Variants in AGBL4 observed in about 807,000 individuals in gnomAD.
The protein encoded by AGBL4 is AGBL carboxypeptidase 4.
AGBL4 carries 58 observed loss-of-function variants against 66.4 expected under a neutral mutation model. That is an observed-to-expected ratio of 0.87 (90% CI 0.71 to 1.09). The LOEUF (loss-of-function observed/expected upper bound fraction) is 1.09. AGBL4 is among the 50% of genes least tolerant of loss of function. The pLI is 0.00. For missense variants in AGBL4, 579 were observed against 631.0 expected, an observed-to-expected ratio of 0.92 and a Z score of 0.88; for synonymous variants, 234 against 222.9, an observed-to-expected ratio of 1.05 and a Z score of -0.44.
intron 5 of AGBL4, among the ~76,000 whole-genome samples, chr1:48,950,963 AG>A (rs1656929211): frequency 6.6e-6 from 1 of 152,160 alleles, no homozygotes; most frequent in South Asian, 2.1e-4. Context: ...GCCTTTTCTC[AG>A]GAACCTCAAA....
intron 2 of AGBL4, among the ~76,000 whole-genome samples, chr1:49,781,802 A>C (rs1449342824): frequency 6.6e-6 from 1 of 152,160 alleles, no homozygotes. Context: ...CTTTCTAGAC[A>C]CAATGAAACT....
intron 2 of AGBL4, among the ~76,000 whole-genome samples, chr1:49,734,580 A>C (rs1649713392): frequency 6.6e-6 from 1 of 152,094 alleles, no homozygotes; most frequent in Non-Finnish European, 1.5e-5. Flanking sequence ...AAGTTAATTT[A>C]AAAAGTACAA....
chr1:49,969,781 C>T (rs184709025), intron 1 of AGBL4, among the ~76,000 whole-genome samples: 2 of 152,232 alleles, frequency 1.3e-5, no homozygotes, highest in African/African-American at 4.8e-5. Context: ...TTAAGCTGCT[C>T]GCCTTGACTG....
chr1:49,057,648 C>CT (rs947058667), intron 4 of AGBL4, among the ~76,000 whole-genome samples: 3 of 152,096 alleles, frequency 2.0e-5, no homozygotes, highest in Non-Finnish European at 4.4e-5. Context: ...TTCTACTCAT[C>CT]TTTTTTGTTT....
At chr1:49,433,427 C>T (rs750760220) in intron 3 of AGBL4, among the ~76,000 whole-genome samples, 5 of 152,144 alleles carry the variant, frequency 3.3e-5, no homozygotes, top group Non-Finnish European at 7.3e-5. Flanking sequence ...CACTACAGAA[C>T]TGATTGCTTG....
rs1571332114 is a variant in AGBL4, at chr1:49,688,468, C to T, written c.282+8845G>A. 2.0e-5 allele frequency among the ~76,000 whole-genome samples: 3 copies of T among 152,080 alleles called. No individual in the cohort carries two copies. The South Asian group carries it at 6.2e-4, about 32-fold the overall frequency. On this transcript the variant is annotated intron_variant, in intron 3 of 13. Transcript: ENST00000371839. ...GTGTAGGTGTACCATTTTTCTTTAT[C>T]CATTCATCTGTTGACAGACACTTGA...
intron 3 of AGBL4, among the ~76,000 whole-genome samples, chr1:49,324,929 A>C (rs1164109429): frequency 2.0e-5 from 3 of 152,226 alleles, no homozygotes; most frequent in Non-Finnish European, 2.9e-5. Context: ...AGGAACATGG[A>C]GAGAAAAAAG....
chr1:49,932,411 G>T (rs1653459712), intron 1 of AGBL4, among the ~76,000 whole-genome samples: 1 of 151,984 alleles, frequency 6.6e-6, no homozygotes, highest in African/African-American at 2.4e-5. Flanking sequence ...ATTCCTAGAA[G>T]AAAAACATAA....
At chr1:49,160,198 G>A (rs537352066) in intron 4 of AGBL4, among the ~76,000 whole-genome samples, 6 of 152,082 alleles carry the variant, frequency 3.9e-5, no homozygotes, top group Non-Finnish European at 4.4e-5. Context: ...CCTTCTTCAC[G>A]GATTTATCTA....
At chr1:48,832,853 C>T (rs1366984801) in intron 6 of AGBL4, among the ~76,000 whole-genome samples, 2 of 152,172 alleles carry the variant, frequency 1.3e-5, no homozygotes, top group African/African-American at 2.4e-5. Flanking sequence ...TTCTCCTGTC[C>T]TCAGACTCTG....
At chr1:49,111,035 T>C (rs1645396227) in intron 4 of AGBL4, among the ~76,000 whole-genome samples, 1 of 152,140 alleles carries the variant, frequency 6.6e-6, no homozygotes, top group South Asian at 2.1e-4. Flanking sequence ...TAATGTAGAT[T>C]TCAAGACCTA....
chr1:49,282,787 C>A (rs1161748687), intron 3 of AGBL4, among the ~76,000 whole-genome samples: 3 of 152,142 alleles, frequency 2.0e-5, no homozygotes, highest in Non-Finnish European at 4.4e-5. Context: ...CGGGTCACTC[C>A]CACCCGAATA....
At chr1:48,659,700 G>T (rs572884071) in intron 7 of AGBL4, among the ~76,000 whole-genome samples, 1 of 152,178 alleles carries the variant, frequency 6.6e-6, no homozygotes, top group Non-Finnish European at 1.5e-5. Flanking sequence ...AAGAGCTGGG[G>T]CCCACAGTCT....
At chr1:48,522,847 A>G in the AGBL4 span, among the ~76,000 whole-genome samples, 1 of 151,134 alleles carries the variant, frequency 6.6e-6, no homozygotes, top group East Asian at 2.0e-4. Flanking sequence ...AATCGCTTGA[A>G]CCTGGGAGAC....
At chr1:48,580,955 T>C (rs1644730480) in intron 11 of AGBL4, among the ~76,000 whole-genome samples, 1 of 152,090 alleles carries the variant, frequency 6.6e-6, no homozygotes, top group South Asian at 2.1e-4. Context: ...GTCTGAGCCC[T>C]AGTTTCTCTT....
At chr1:49,156,505 A>C (rs1233253540) in intron 4 of AGBL4, among the ~76,000 whole-genome samples, 2 of 152,112 alleles carry the variant, frequency 1.3e-5, no homozygotes, top group East Asian at 1.9e-4. Context: ...GGTTTTCATC[A>C]AGCTGTAGCG....
chr1:49,115,430 C>T (rs1360877362), intron 4 of AGBL4, among the ~76,000 whole-genome samples: 1 of 152,138 alleles, frequency 6.6e-6, no homozygotes, highest in Non-Finnish European at 1.5e-5. Context: ...AAATGTACTA[C>T]TGTAATATCA....
rs996001348 is a variant in AGBL4 at position 49,438,242 on chromosome 1, C to T, written c.283-192378G>A. 5.3e-5 allele frequency among the ~76,000 whole-genome samples: 8 copies of T among 152,270 alleles called. No individual in the cohort carries two copies. The South Asian group carries it at 1.7e-3, about 32-fold the overall frequency. ...ATGTCAAGCTTATGAAATTTGGTCT[C>T]CTCTACATAGTTGCCTCTCAAATAA... On this transcript the variant is annotated intron_variant, in intron 3 of 13. Transcript: ENST00000371839.
chr1:48,974,408 A>G (rs754706896), intron 5 of AGBL4, among the ~76,000 whole-genome samples: 1 of 152,134 alleles, frequency 6.6e-6, no homozygotes, highest in Non-Finnish European at 1.5e-5. Context: ...AGTCAATTAC[A>G]GTTCTTGCAT....
Sources: allele counts gnomAD v4.1 joint callset (sites outside exome capture counted in the v4.1 genomes callset), GRCh38; gene constraint gnomAD v4.1.1; transcripts MANE v1.5; gene names NCBI Gene and HGNC (gene_info 2026-07-23, HGNC 2026-07-21).